AGFG2: variants seen among roughly 807,000 people sequenced by gnomAD.
The protein encoded by AGFG2 is arf-GAP domain and FG repeat-containing protein 2.
In AGFG2, 31 loss-of-function variants were observed where a neutral mutation model predicts 48.0. The ratio of observed to expected loss-of-function variants is 0.65; its 90% CI spans 0.49 to 0.87. The LOEUF is 0.87. Ranked by LOEUF, AGFG2 falls within the 40% of genes least tolerant of loss-of-function variation. The pLI, the probability that AGFG2 is intolerant of heterozygous loss-of-function variation, is 0.00. For missense variants in AGFG2, 599 were observed against 632.6 expected (o/e 0.95, Z 0.57); for synonymous variants, 229 against 260.8 (o/e 0.88, Z 1.18).
intron 6 of AGFG2, among the ~76,000 whole-genome samples, chr7:100,557,889 G>A (rs1282107135): frequency 1.3e-5 from 2 of 152,022 alleles, no homozygotes; most frequent in Non-Finnish European, 2.9e-5. Flanking sequence ...TAATGGACAA[G>A]ACATATAAGC....
intron 1 of AGFG2, among the ~76,000 whole-genome samples, chr7:100,541,839 A>G (rs1303185182): frequency 6.6e-6 from 1 of 151,976 alleles, no homozygotes; most frequent in African/African-American, 2.4e-5. Flanking sequence ...AGATCCTGCT[A>G]TGAGAAGCAG....
rs1048122891 is a variant in AGFG2 at position 100,564,108 on chromosome 7, T to G, written c.1301-110T>G. The G allele has an allele frequency of 4.6e-6, 7 of 1,523,378 alleles. No homozygotes were observed. The African/African-American group carries it at 9.6e-5, about 21-fold the overall frequency. 94.4% of individuals were successfully genotyped at this position (1,523,378 alleles called of 1,614,324 possible). A position where few individuals can be genotyped will look rare whatever the true frequency, so the allele number is the denominator to read the frequency against. The stretch of plus-strand genomic sequence containing the variant: ...CAGGGAAGCACCAGACCCGCCCGGG[T>G]ACTTCCACTGCTCTGTTCCCTTACT... On this transcript the variant is annotated intron_variant, in intron 10 of 11. Coordinates refer to ENST00000300176, the MANE Select transcript of AGFG2 (RefSeq NM_006076.5).
intron 1 of AGFG2, among the ~76,000 whole-genome samples, chr7:100,543,668 G>C (rs1174325051): frequency 2.0e-5 from 3 of 152,042 alleles, no homozygotes; most frequent in Non-Finnish European, 4.4e-5. Context: ...TTGGTGGGTG[G>C]GTATGACTCT....
intron 6 of AGFG2, among the ~76,000 whole-genome samples, chr7:100,559,735 C>G (rs1584390153): frequency 6.6e-6 from 1 of 151,408 alleles, no homozygotes. Flanking sequence ...GGAGAATCAG[C>G]TGAGCCCTGA....
In AGFG2 at chr7:100,562,772, A is replaced by C; in HGVS notation, c.1087+90A>C. 1 of 1,593,572 alleles carries C rather than the reference A, an allele frequency of 6.3e-7. No homozygotes were observed. Among genetic ancestry groups the C allele is most frequent in the Non-Finnish European group, 8.6e-7 (1 of 1,165,618 alleles). On this transcript the variant is annotated intron_variant, in intron 8 of 11. Transcript: ENST00000300176. The surrounding 1 kb of genome is among the most constrained non-coding windows in gnomAD (Gnocchi z 5.4). ...GACAGGGTGGGAAGGGGAGAGATTG[A>C]GAGGAATGCTCAGGCATCACAGGAT...
intron 10 of AGFG2, 76 bp downstream of exon 10, chr7:100,564,038 C>A: frequency 6.3e-7 from 1 of 1,580,002 alleles, no homozygotes. Flanking sequence ...TTCCTCCGAC[C>A]TCATCAGAGC....
At chr7:100,546,209 C>T (rs1800508713) in intron 1 of AGFG2, among the ~76,000 whole-genome samples, 1 of 132,692 alleles carries the variant, frequency 7.5e-6, no homozygotes, top group African/African-American at 2.8e-5. Context: ...TTAGTCCAGG[C>T]TCAACCATAA....
chr7:100,556,372 A>T, intron 6 of AGFG2: 1 of 224,408 alleles, frequency 4.5e-6, no homozygotes, highest in East Asian at 1.2e-4. Flanking sequence ...CCATTGCAAG[A>T]GACTCTTCAG....
rs200779668 is a variant in AGFG2, at chr7:100,554,168, G to T, written c.661G>T (p.Ala221Ser). 1 of 1,614,148 alleles carries T rather than the reference G, an allele frequency of 6.2e-7. No individual in the cohort carries two copies. Residue 221 changes from alanine to serine, a missense_variant, in exon 5 of 12, where the codon GCC (alanine) becomes TCC (serine). Transcript: ENST00000300176. ...QPPPHSSVKK[A>S]STDLLADIGG... ...ACCTCCCCACTCCTCTGTCAAAAAAGCCAGTACTGACCTGCTGGCTGACAT... is the reference window on the plus strand; with the variant it reads ...ACCTCCCCACTCCTCTGTCAAAAAATCCAGTACTGACCTGCTGGCTGACAT...
Position 100,539,273 on chromosome 7 carries a change from G to C in AGFG2, c.-74G>C, listed in dbSNP as rs1474683563. 1 of 1,258,446 alleles carries C rather than the reference G, an allele frequency of 7.9e-7. No individual in the cohort carries two copies. Among genetic ancestry groups the C allele is most frequent in the Non-Finnish European group, 1.0e-6 (1 of 995,880 alleles). 78.0% of individuals were successfully genotyped at this position (1,258,446 alleles called of 1,614,324 possible). A position where few individuals can be genotyped will look rare whatever the true frequency, so the allele number is the denominator to read the frequency against. Reference sequence around the variant, plus strand: ...CTGTCAGGGGAGCCGGGCGTGCGGAGGCGGCTGAGGAGGCGGGAAGGCGGC... The same window carrying C: ...CTGTCAGGGGAGCCGGGCGTGCGGACGCGGCTGAGGAGGCGGGAAGGCGGC... On this transcript the variant is annotated 5_prime_UTR_variant, in exon 1 of 12. Transcript: ENST00000300176.
In AGFG2 at chr7:100,567,753, C is replaced by T. The variant is rs1334672309; in HGVS notation, c.*2762C>T. On this transcript the variant is annotated 3_prime_UTR_variant, in exon 12 of 12. Coordinates refer to ENST00000300176, the MANE Select transcript of AGFG2 (RefSeq NM_006076.5). ...AGGGGCTGAGAACGCAGTGCCCCGT[C>T]CCTGACAGGGATGAAAAGTGAACCC... 6.6e-6 allele frequency: 1 copy of T among 152,290 alleles called. No individual in the cohort carries two copies. The highest frequency in any genetic ancestry group is 1.5e-5 in the Non-Finnish European group (1 of 68,068). 9.4% of individuals were successfully genotyped at this position (152,290 alleles called of 1,614,324 possible).
intron 6 of AGFG2, chr7:100,555,968 G>A (rs888247054): frequency 4.1e-6 from 2 of 484,266 alleles, no homozygotes; most frequent in Non-Finnish European, 7.1e-6. Context: ...AGCAGGAGCT[G>A]TGTGGGTTAT....
In AGFG2 at chr7:100,562,584, CGTG is replaced by C; in HGVS notation, c.999-9_999-7del. 11 of 1,613,414 alleles carry C rather than the reference CGTG, an allele frequency of 6.8e-6. No homozygotes were observed. The highest frequency in any genetic ancestry group is 9.3e-6 in the Non-Finnish European group (11 of 1,179,902). ...CAGCTGTGTATGACTTCTCTCTCCC[CGTG>C]TTGTAGCCTCTTCGGGATGGCTGGC... On this transcript the variant is annotated splice_region_variant and splice_polypyrimidine_tract_variant and intron_variant, in intron 7 of 11. Coordinates refer to ENST00000300176, the MANE Select transcript of AGFG2 (RefSeq NM_006076.5). The surrounding 1 kb of genome is among the most constrained non-coding windows in gnomAD (Gnocchi z 5.4).
At chr7:100,563,481 A>C (rs1390138301) in intron 9 of AGFG2, among the ~76,000 whole-genome samples, 3 of 152,174 alleles carry the variant, frequency 2.0e-5, no homozygotes, top group Non-Finnish European at 4.4e-5. Context: ...CCCTGATTTG[A>C]TCTTCACAGT....
Position 100,562,910 on chromosome 7 carries a change from T to C in AGFG2, c.1135T>C (p.Ser379Pro). ...TAPAAQSPLPSTNPFQPNGLA... is the reference protein window; with the variant it reads ...TAPAAQSPLPPTNPFQPNGLA... ...TCCCGCCGCCCAGTCCCCGCTGCCT[T>C]CCACCAACCCGTTCCAGCCCAATGG... The change falls in exon 9 of 12, where the codon TCC becomes CCC. Residue 379 changes from serine (S) to proline (P), a missense_variant. By Grantham distance (74) the Ser-to-Pro change is moderately conservative (BLOSUM62 -1). Transcript: ENST00000300176. The surrounding 1 kb of genome is among the most constrained non-coding windows in gnomAD (Gnocchi z 5.4). The C allele has an allele frequency of 4.3e-6, 7 of 1,614,056 alleles. No homozygotes were observed. In the East Asian group the frequency reaches 1.6e-4, roughly 36 times the overall value.
chr7:100,554,868 G>A (rs1297817378), intron 5 of AGFG2, among the ~76,000 whole-genome samples: 1 of 150,616 alleles, frequency 6.6e-6, no homozygotes, highest in Admixed American at 6.6e-5. Context: ...AACCTAGGAG[G>A]TGGAGGTTGC....
Position 100,564,230 on chromosome 7 carries a change from G to T in AGFG2, c.1313G>T (p.Gly438Val), listed in dbSNP as rs1198772302. The T allele has an allele frequency of 6.2e-7, 1 of 1,612,572 alleles. No homozygotes were observed. The highest frequency in any genetic ancestry group is 8.5e-7 in the Non-Finnish European group (1 of 1,179,430). ...TCTCGCCCCCTAGGCTCTTCCTTCG[G>T]GGACTTAGGATCAGCCAAGTTGGGG... ...LVQQQNGSSF[G>V]DLGSAKLGQR... is the part of the protein sequence containing the mutation. Residue 438 changes from glycine to valine, a missense_variant, in exon 11 of 12, where the codon GGG becomes GTG. Coordinates refer to ENST00000300176, the MANE Select transcript of AGFG2 (RefSeq NM_006076.5).
Position 100,565,808 on chromosome 7 carries a change from G to C in AGFG2, c.*817G>C, listed in dbSNP as rs546367214. ...TCAAAGCCGGAGCTCCAGGGCTGGA[G>C]GGGGGGCAGCCATGTGTCCTGACCC... On this transcript the variant is annotated 3_prime_UTR_variant, in exon 12 of 12. Transcript: ENST00000300176. The C allele has an allele frequency of 4.6e-5, 7 of 152,236 alleles. No individual in the cohort carries two copies. Among genetic ancestry groups the C allele is most frequent in the Non-Finnish European group, 7.4e-5 (5 of 68,004 alleles). 9.4% of individuals were successfully genotyped at this position (152,236 alleles called of 1,614,324 possible). A position where few individuals can be genotyped will look rare whatever the true frequency, so the allele number is the denominator to read the frequency against.
Position 100,565,608 on chromosome 7 carries a change from A to T in AGFG2, c.*617A>T, listed in dbSNP as rs1288455663. ...AGTTAGCTGTTGGTGTCATGTTTGG[A>T]TACCAGTGTTTTATATTTATACATA... On this transcript the variant is annotated 3_prime_UTR_variant, in exon 12 of 12. Transcript: ENST00000300176. 1.3e-5 allele frequency: 2 copies of T among 153,762 alleles called. No individual in the cohort carries two copies. The highest frequency in any genetic ancestry group is 3.8e-4 in the East Asian group (2 of 5,202). The allele number at this position is 153,762 out of a possible 1,614,324, so 9.5% of individuals were successfully genotyped here.
Sources: allele counts gnomAD v4.1 joint callset (sites outside exome capture counted in the v4.1 genomes callset), GRCh38; gene constraint gnomAD v4.1.1; non-coding constraint Gnocchi (gnomAD v3.1); transcripts MANE v1.5; gene names NCBI Gene and HGNC (gene_info 2026-07-23, HGNC 2026-07-21).